DAB2IP: variants seen among roughly 807,000 people sequenced by gnomAD.
DAB2IP encodes DAB2 interacting protein.
A neutral mutation model predicts 107.2 loss-of-function variants in DAB2IP; 28 were observed. The observed-to-expected ratio is 0.26, with a 90% CI of 0.19 to 0.36. The LOEUF (loss-of-function observed/expected upper bound fraction) is 0.36, where lower values mean the gene tolerates loss of function less well. DAB2IP is among the 10% of genes least tolerant of loss of function. The probability of loss-of-function intolerance (pLI) is 1.00; values close to 1 mark genes in which losing one functional copy is unlikely to be tolerated. For synonymous variants in DAB2IP, 755 were observed against 706.4 expected, an observed-to-expected ratio of 1.07 and a Z score of -1.09; for missense variants, 1,400 against 1,644.7, an observed-to-expected ratio of 0.85 and a Z score of 2.57.
exon 16 of DAB2IP, chr9:121,783,222 C>T (rs1457383832): frequency 2.5e-6 from 3 of 1,187,258 alleles, no homozygotes; most frequent in Non-Finnish European, 3.2e-6. Flanking sequence ...AGGGCCATGG[C>T]TTTTTCTTGT....
intron 1 of DAB2IP, among the ~76,000 whole-genome samples, chr9:121,642,001 C>T (rs1339905630): frequency 0.054 from 943 of 17,454 alleles, 35 homozygotes; most frequent in South Asian, 0.062. Context: ...TCCTTTCTCT[C>T]TCTCTCTCTC....
intron 1 of DAB2IP, among the ~76,000 whole-genome samples, chr9:121,631,641 C>A (rs892496366): frequency 1.3e-5 from 2 of 151,910 alleles, no homozygotes; most frequent in African/African-American, 4.8e-5. Flanking sequence ...AATGGTGAAA[C>A]CCCGTCTCTA....
rs1276296984 is a variant in DAB2IP at position 121,658,675 on chromosome 9, A to G, written c.124+6776A>G. Among the ~76,000 whole-genome samples, 7 of 152,332 alleles carry G rather than the reference A, an allele frequency of 4.6e-5. No homozygotes were observed. In the East Asian group the frequency reaches 1.2e-3, roughly 25 times the overall value. On this transcript the variant is annotated intron_variant, in intron 1 of 15. Coordinates refer to ENST00000408936, the Ensembl canonical transcript of DAB2IP. ...AGCCCTCCAAATAATAATAACGAGAAAAAAAAGTAGACTCGATACTCAGCA... is the reference window on the plus strand; with the variant it reads ...AGCCCTCCAAATAATAATAACGAGAGAAAAAAGTAGACTCGATACTCAGCA...
intron 8 of DAB2IP, among the ~76,000 whole-genome samples, chr9:121,764,129 G>A (rs1328560493): frequency 6.6e-6 from 1 of 152,210 alleles, no homozygotes; most frequent in African/African-American, 2.4e-5. Context: ...CATGTGCCGG[G>A]GGCTATTGTG....
chr9:121,676,734 G>A (rs543999573), intron 1 of DAB2IP, among the ~76,000 whole-genome samples: 59 of 152,306 alleles, frequency 3.9e-4, no homozygotes, highest in African/African-American at 1.2e-3. Flanking sequence ...AGCCAAAAGC[G>A]AGGCAAGAGC....
chr9:121,678,914 C>T (rs1589501707), intron 2 of DAB2IP, 133 bp downstream of exon 2: 1 of 848,358 alleles, frequency 1.2e-6, no homozygotes, highest in East Asian at 3.2e-5. Flanking sequence ...CTCCCTTGCT[C>T]TAGGTATCCG....
intron 2 of DAB2IP, among the ~76,000 whole-genome samples, chr9:121,688,630 C>T (rs116666716): frequency 0.01 from 1,565 of 152,332 alleles, 24 homozygotes; most frequent in African/African-American, 0.035. Flanking sequence ...CTCACGGACT[C>T]TGTGACTTCA....
At chr9:121,611,403 A>C (rs1035833144) in intron 1 of DAB2IP, among the ~76,000 whole-genome samples, 1 of 152,174 alleles carries the variant, frequency 6.6e-6, no homozygotes, top group African/African-American at 2.4e-5. Flanking sequence ...AGTACAGCAG[A>C]CAGGCTAAGG....
rs1831166291 is a variant in DAB2IP at position 121,613,608 on chromosome 9, C to T, written c.40+46380C>T. On this transcript the variant is annotated intron_variant, in intron 1 of 16. Coordinates refer to the DAB2IP transcript ENST00000259371. ...CCACTGGCCCCATAAATCAAGGCAGCAGCCACGTGCTTGGAACATAAATCT... is the reference window on the plus strand; with the variant it reads ...CCACTGGCCCCATAAATCAAGGCAGTAGCCACGTGCTTGGAACATAAATCT... 2.6e-5 allele frequency among the ~76,000 whole-genome samples: 4 copies of T among 152,264 alleles called. 1 individual carries two copies. The South Asian group carries it at 8.3e-4, about 32-fold the overall frequency.
intron 1 of DAB2IP, among the ~76,000 whole-genome samples, chr9:121,666,488 G>T (rs984065050): frequency 2.0e-5 from 3 of 152,158 alleles, no homozygotes; most frequent in African/African-American, 7.2e-5. Flanking sequence ...TAGAAAAAGT[G>T]TGCAGTGGTA....
intron 1 of DAB2IP, among the ~76,000 whole-genome samples, chr9:121,573,489 A>C (rs1414922730): frequency 3.3e-5 from 5 of 151,920 alleles, no homozygotes; most frequent in Admixed American, 3.3e-4. Context: ...GGTTCAAGCA[A>C]TTCTCCTGCC....
At chr9:121,612,688 T>C (rs952905078) in intron 1 of DAB2IP, among the ~76,000 whole-genome samples, 5 of 152,144 alleles carry the variant, frequency 3.3e-5, no homozygotes, top group African/African-American at 1.2e-4. Flanking sequence ...CTGCTCAGCC[T>C]TTGGGGAAGC....
At chr9:121,674,637 T>A (rs542564539) in intron 1 of DAB2IP, among the ~76,000 whole-genome samples, 1 of 152,256 alleles carries the variant, frequency 6.6e-6, no homozygotes, top group Non-Finnish European at 1.5e-5. Flanking sequence ...CACACACATT[T>A]CTTTGCTTCT....
At chr9:121,757,233 A>ACATCCTC in intron 4 of DAB2IP, 67 bp downstream of exon 4, 1 of 1,567,306 alleles carries the variant, frequency 6.4e-7, no homozygotes. Context: ...TCTCCTCCAG[A>ACATCCTC]CATCCTCCTG....
In DAB2IP at chr9:121,633,200, G is replaced by A. The variant is rs540128138; in HGVS notation, c.41-45478G>A. 2.5e-4 allele frequency among the ~76,000 whole-genome samples: 38 copies of A among 152,298 alleles called. 1 individual carries two copies. Among genetic ancestry groups the A allele is most frequent in the Admixed American group, 1.4e-3 (21 of 15,292 alleles). On this transcript the variant is annotated intron_variant, in intron 1 of 16. Transcript: ENST00000259371. This position sits in a 1 kb window ranked among gnomAD's most constrained non-coding sequence, Gnocchi z 5.1. ...CACGCTGGGAATAGAGACCTCATCG[G>A]GAAGGTTTGACATGAACAATACAAT...
At position 121,700,663 on chromosome 9, in the gene DAB2IP, G is replaced by A. The variant is rs531738948; in HGVS notation, c.362+1205G>A. 5.9e-5 allele frequency among the ~76,000 whole-genome samples: 9 copies of A among 152,208 alleles called. No homozygotes were observed. The East Asian group carries it at 1.3e-3, about 23-fold the overall frequency. On this transcript the variant is annotated intron_variant, in intron 3 of 15. Coordinates refer to ENST00000408936, the Ensembl canonical transcript of DAB2IP. ...CAGCCCAACTCCTGCCCAAGGTTGA[G>A]TGACTGTTTAACTGACCCCTAGCAT...
chr9:121,772,386 G>A lies in DAB2IP; in HGVS notation c.2079-221G>A, dbSNP rs536476589. Among the ~76,000 whole-genome samples, 3 of 152,286 alleles carry A rather than the reference G, an allele frequency of 2.0e-5. No homozygotes were observed. The East Asian group carries it at 5.8e-4, about 29-fold the overall frequency. On this transcript the variant is annotated intron_variant, in intron 11 of 15. Transcript: ENST00000408936. The surrounding 1 kb of genome is among the most constrained non-coding windows in gnomAD (Gnocchi z 4.7). ...GGCAGCGCGGCCTGAAATGTGCAGT[G>A]CTGGCCCCTAAAGAAGAGGTTCTGT...
At chr9:121,719,983 T>C (rs2118812296) in intron 3 of DAB2IP, among the ~76,000 whole-genome samples, 1 of 152,336 alleles carries the variant, frequency 6.6e-6, no homozygotes, top group Non-Finnish European at 1.5e-5. Flanking sequence ...GTCCTAGGCA[T>C]GTGTCCAGGT....
intron 1 of DAB2IP, among the ~76,000 whole-genome samples, chr9:121,642,334 G>A (rs1201839860): frequency 6.6e-6 from 1 of 150,962 alleles, no homozygotes; most frequent in Non-Finnish European, 1.5e-5. Flanking sequence ...TCTGCCTCCC[G>A]GGCTCAAGCA....
Sources: allele counts gnomAD v4.1 joint callset (sites outside exome capture counted in the v4.1 genomes callset), GRCh38; gene constraint gnomAD v4.1.1; non-coding constraint Gnocchi (gnomAD v3.1); transcripts MANE v1.5; gene names NCBI Gene and HGNC (gene_info 2026-07-23, HGNC 2026-07-21).